KLC1: variants seen among roughly 807,000 people sequenced by gnomAD.
The protein encoded by KLC1 is kinesin 2 60/70kDa.
In KLC1, 30 loss-of-function variants were observed where a neutral mutation model predicts 84.2. That is an observed-to-expected ratio of 0.36 (90% CI 0.27 to 0.48). The LOEUF (loss-of-function observed/expected upper bound fraction) is 0.48. Among genes scored for constraint, KLC1 ranks in the 20% least tolerant of loss-of-function variants. The pLI, the probability that KLC1 is intolerant of heterozygous loss-of-function variation, is 0.99. For missense variants in KLC1, 499 were observed against 805.4 expected, an observed-to-expected ratio of 0.62 and a Z score of 4.60; for synonymous variants, 289 against 293.3, an observed-to-expected ratio of 0.99 and a Z score of 0.15.
rs191181303 is a variant in KLC1 at position 103,653,518 on chromosome 14, C to T, written c.-1-1046C>T. Among the ~76,000 whole-genome samples the T allele has an allele frequency of 1.2e-3, 177 of 152,254 alleles. 1 individual carries two copies. Among genetic ancestry groups the T allele is most frequent in the African/African-American group, 3.6e-3 (148 of 41,554 alleles). ...TGTATTTTTAGTTGAGACAGGGTTT[C>T]GCCGTGTTGGCCGGCTGGTTTTGAA... On this transcript the variant is annotated intron_variant, in intron 1 of 16. Coordinates refer to ENST00000334553, the MANE Select transcript of KLC1 (RefSeq NM_001394837.1).
At chr14:103,681,758 T>A (rs892322355) in intron 13 of KLC1, among the ~76,000 whole-genome samples, 7 of 152,186 alleles carry the variant, frequency 4.6e-5, no homozygotes, top group Non-Finnish European at 5.9e-5. Context: ...ACTTTTCTTA[T>A]TTTTTAAATG....
intron 14 of KLC1, among the ~76,000 whole-genome samples, chr14:103,689,825 T>G (rs897215234): frequency 6.6e-6 from 1 of 152,208 alleles, no homozygotes; most frequent in African/African-American, 2.4e-5. Flanking sequence ...CGTTGAGGAT[T>G]CGAGTTGTTC....
chr14:103,655,967 A>C (rs531103418), intron 2 of KLC1, among the ~76,000 whole-genome samples: 1 of 152,306 alleles, frequency 6.6e-6, no homozygotes, highest in South Asian at 2.1e-4. Flanking sequence ...TTTGTCAAAT[A>C]AGTACTGAGG....
At chr14:103,632,104 G>C (rs754525348) in intron 1 of KLC1, among the ~76,000 whole-genome samples, 25 of 152,144 alleles carry the variant, frequency 1.6e-4, no homozygotes, top group Admixed American at 6.6e-5. Context: ...TGATAAAAGA[G>C]CCACTGTTGG....
intron 14 of KLC1, among the ~76,000 whole-genome samples, chr14:103,691,963 T>A (rs1161396198): frequency 6.6e-6 from 1 of 151,976 alleles, no homozygotes; most frequent in African/African-American, 2.4e-5. Flanking sequence ...AGAGATGGGG[T>A]TTCCCCATGT....
intron 3 of KLC1, among the ~76,000 whole-genome samples, chr14:103,658,778 C>T (rs1369723239): frequency 6.6e-6 from 1 of 151,220 alleles, no homozygotes; most frequent in African/African-American, 2.4e-5. Context: ...CTGCCTCAGC[C>T]TCCCGAGTAG....
chr14:103,677,513 C>G lies in KLC1; in HGVS notation c.1478C>G (p.Ser493Cys). 1 of 1,611,166 alleles carries G rather than the reference C, an allele frequency of 6.2e-7. No homozygotes were observed. Among genetic ancestry groups the G allele is most frequent in the Admixed American group, 1.7e-5 (1 of 60,020 alleles). ...AETLEEAAMR[S>C]RKQGLDNVHK... ...ACGTTAGAAGAAGCTGCTATGAGGT[C>G]TCGTAAACAGGTTAGTCATACTTCT... is the stretch of plus-strand genomic sequence containing the variant. The change falls in exon 12 of 17, where the codon TCT (serine) becomes TGT (cysteine). Residue 493 changes from serine (S) to cysteine (C), a missense_variant. Ser to Cys is a moderately radical substitution (Grantham distance 112). Around this residue, in one of 3 missense-constraint regions of KLC1, gnomAD observed 167 missense variants for 208.8 expected, o/e 0.80. Coordinates refer to ENST00000334553, the MANE Select transcript of KLC1 (RefSeq NM_001394837.1).
intron 2 of KLC1, among the ~76,000 whole-genome samples, chr14:103,655,195 C>G (rs1467079863): frequency 6.6e-6 from 1 of 151,898 alleles, no homozygotes; most frequent in African/African-American, 2.4e-5. Context: ...TCACTGCACT[C>G]CAGCCTGGGT....
intron 14 of KLC1, among the ~76,000 whole-genome samples, chr14:103,689,397 C>T (rs2081962560): frequency 6.6e-6 from 1 of 152,240 alleles, no homozygotes. Context: ...GGCTGTAGCA[C>T]TGCCAGCCTG....
chr14:103,652,622 G>C, intron 1 of KLC1, among the ~76,000 whole-genome samples: 1 of 152,172 alleles, frequency 6.6e-6, no homozygotes, highest in Non-Finnish European at 1.5e-5. Flanking sequence ...CTCCTGAGTA[G>C]CTGGGAGTAC....
At chr14:103,698,624 G>T in intron 15 of KLC1, 1 of 659,760 alleles carries the variant, frequency 1.5e-6, no homozygotes, top group Non-Finnish European at 2.7e-6. Flanking sequence ...CAGCTCAGAT[G>T]GGGGTCAGTC....
At chr14:103,685,935 T>G in intron 13 of KLC1, 1 of 1,118,262 alleles carries the variant, frequency 8.9e-7, no homozygotes, top group South Asian at 2.1e-5. Context: ...AGCTGTTCAC[T>G]TTGGTAACAG....
In KLC1 at chr14:103,633,793, A is replaced by ATACT. The variant is rs2076861090; in HGVS notation, c.-2+4300_-2+4303dup. ...GATTAGCATTTCTTCACTTCCCCACATACTCCTTAGCCTCTGCCCTGATTT... is the reference window on the plus strand; with the variant it reads ...GATTAGCATTTCTTCACTTCCCCACATACTTACTCCTTAGCCTCTGCCCTGATTT... On this transcript the variant is annotated intron_variant, in intron 1 of 16. Transcript: ENST00000334553. 2.0e-5 allele frequency among the ~76,000 whole-genome samples: 3 copies of ATACT among 152,042 alleles called. No homozygotes were observed. In the South Asian group the frequency reaches 6.2e-4, roughly 31 times the overall value.
At chr14:103,675,632 AT>A in intron 10 of KLC1, 31 bp downstream of exon 10, 1 of 1,605,346 alleles carries the variant, frequency 6.2e-7, no homozygotes, top group South Asian at 1.1e-5. Flanking sequence ...GATTTTCTAA[AT>A]TGTATATACT....
chr14:103,654,944 G>A lies in KLC1; in HGVS notation c.261+119G>A, dbSNP rs1255271374. The A allele has an allele frequency of 8.5e-6, 10 of 1,171,578 alleles. No homozygotes were observed. In the Admixed American group the frequency reaches 1.3e-4, roughly 15 times the overall value. The allele number at this position is 1,171,578 out of a possible 1,614,324, so 72.6% of individuals were successfully genotyped here. A position where few individuals can be genotyped will look rare whatever the true frequency, so the allele number is the denominator to read the frequency against. On this transcript the variant is annotated intron_variant, in intron 2 of 16. Transcript: ENST00000334553. The stretch of plus-strand genomic sequence containing the variant: ...GATGATTATAGAATAACAGATCCAG[G>A]CCGAGTGCGGTGTGGCTCAGGCCTG...
intron 13 of KLC1, chr14:103,685,597 G>C: frequency 7.8e-7 from 1 of 1,289,240 alleles, no homozygotes; most frequent in Non-Finnish European, 1.0e-6. Context: ...TTTCCTCGCC[G>C]CGGTTTCACG....
chr14:103,668,313 G>A (rs546883366), intron 5 of KLC1, among the ~76,000 whole-genome samples: 2 of 152,300 alleles, frequency 1.3e-5, no homozygotes, highest in South Asian at 4.1e-4. Flanking sequence ...GCATAGGCAG[G>A]ACAACACTGT....
intron 14 of KLC1, chr14:103,688,025 G>A (rs2081889643): frequency 6.6e-6 from 1 of 152,188 alleles, no homozygotes; most frequent in Non-Finnish European, 1.5e-5. Flanking sequence ...TTTTACAAGT[G>A]ATCCCACTTT....
intron 6 of KLC1, among the ~76,000 whole-genome samples, 194 bp downstream of exon 6, chr14:103,669,792 C>G (rs2080223628): frequency 6.6e-6 from 1 of 152,176 alleles, no homozygotes; most frequent in Non-Finnish European, 1.5e-5. Flanking sequence ...TTTATGACCC[C>G]ACCTCAAATG....
Sources: gnomAD v4.1 joint callset for allele counts (sites outside exome capture counted in the v4.1 genomes callset) on GRCh38, gnomAD v4.1.1 for gene constraint, gnomAD v4.1.1 regional missense constraint, MANE v1.5 for transcripts, NCBI Gene and HGNC (gene_info 2026-07-23, HGNC 2026-07-21) for gene names.